LRMDA: variants seen among roughly 807,000 people sequenced by gnomAD.
LRMDA encodes leucine-rich melanocyte differentiation-associated protein.
Under a neutral mutation model 29.8 loss-of-function variants are expected in LRMDA, and 18 were observed. The ratio of observed to expected loss-of-function variants is 0.60; its 90% CI spans 0.42 to 0.90. The LOEUF (loss-of-function observed/expected upper bound fraction) is 0.90. Ranked by LOEUF, LRMDA falls within the 40% of genes least tolerant of loss-of-function variation. LRMDA has a pLI of 0.00. For synonymous variants in LRMDA, 125 were observed against 109.4 expected (o/e 1.14, Z -0.89); for missense variants, 273 against 273.9 (o/e 1.00, Z 0.02).
intron 2 of LRMDA, among the ~76,000 whole-genome samples, chr10:75,598,037 G>C (rs983604812): frequency 1.3e-5 from 2 of 152,172 alleles, no homozygotes; most frequent in Non-Finnish European, 2.9e-5. Flanking sequence ...TGCTGCCCCC[G>C]TAGAGCCGGC....
intron 5 of LRMDA, among the ~76,000 whole-genome samples, chr10:76,311,280 G>A (rs974215120): frequency 1.3e-5 from 2 of 152,146 alleles, no homozygotes; most frequent in Non-Finnish European, 2.9e-5. Flanking sequence ...GATAGAAACT[G>A]ACATAAAACA....
intron 5 of LRMDA, among the ~76,000 whole-genome samples, chr10:76,238,164 G>A (rs1184063097): frequency 6.6e-6 from 1 of 152,062 alleles, no homozygotes; most frequent in Non-Finnish European, 1.5e-5. Context: ...TATTCAGAGA[G>A]GCCTAATAAA....
At chr10:76,131,161 G>A (rs761284669) in intron 5 of LRMDA, among the ~76,000 whole-genome samples, 25 of 152,162 alleles carry the variant, frequency 1.6e-4, no homozygotes, top group Non-Finnish European at 3.5e-4. Context: ...CCATCTTGGT[G>A]CTTCCGCCGA....
intron 2 of LRMDA, among the ~76,000 whole-genome samples, chr10:75,697,080 TGTG>T (rs1842243759): frequency 6.6e-6 from 1 of 152,176 alleles, no homozygotes; most frequent in African/African-American, 2.4e-5. Flanking sequence ...ACAGGGTACA[TGTG>T]GTGGCCATGA....
intron 5 of LRMDA, among the ~76,000 whole-genome samples, chr10:76,310,393 T>C (rs1205651967): frequency 6.6e-6 from 1 of 152,164 alleles, no homozygotes; most frequent in Non-Finnish European, 1.5e-5. Context: ...TTAGAATGAT[T>C]GGGAAACAAA....
At chr10:76,007,214 C>T (rs947103861) in intron 2 of LRMDA, among the ~76,000 whole-genome samples, 6 of 151,988 alleles carry the variant, frequency 3.9e-5, no homozygotes, top group African/African-American at 7.3e-5. Context: ...GGCCATTATG[C>T]GTGGTTTTTC....
At chr10:76,549,794 T>A (rs1369270286) in intron 6 of LRMDA, among the ~76,000 whole-genome samples, 4 of 152,204 alleles carry the variant, frequency 2.6e-5, no homozygotes, top group Admixed American at 1.3e-4. Flanking sequence ...GACCAAAGAT[T>A]TATATCTTGT....
chr10:75,731,481 C>G (rs1336907688), intron 2 of LRMDA, among the ~76,000 whole-genome samples: 3 of 152,128 alleles, frequency 2.0e-5, no homozygotes, highest in African/African-American at 4.8e-5. Flanking sequence ...ACTATATGCC[C>G]AGTGCTTAAG....
chr10:75,708,653 G>A (rs1288272160), intron 2 of LRMDA, among the ~76,000 whole-genome samples: 2 of 152,044 alleles, frequency 1.3e-5, no homozygotes, highest in Non-Finnish European at 2.9e-5. Flanking sequence ...GAGATCATTG[G>A]CTCAATTAAA....
intron 2 of LRMDA, among the ~76,000 whole-genome samples, chr10:75,799,051 T>G (rs991969629): frequency 9.2e-5 from 14 of 152,254 alleles, no homozygotes; most frequent in African/African-American, 3.1e-4. Context: ...TTAGATTAAT[T>G]TATTCAGTAG....
chr10:76,360,590 G>A (rs530784611), intron 6 of LRMDA, among the ~76,000 whole-genome samples: 2 of 152,262 alleles, frequency 1.3e-5, no homozygotes, highest in South Asian at 2.1e-4. Flanking sequence ...CTTCCTGAAA[G>A]GTTTATAACA....
intron 5 of LRMDA, among the ~76,000 whole-genome samples, chr10:76,297,700 G>A (rs889627895): frequency 3.3e-5 from 5 of 152,136 alleles, no homozygotes; most frequent in Non-Finnish European, 7.4e-5. Context: ...TGAAACCTTG[G>A]TGACTTCTGA....
At chr10:76,140,000 C>A (rs1476349331) in intron 5 of LRMDA, among the ~76,000 whole-genome samples, 1 of 151,862 alleles carries the variant, frequency 6.6e-6, no homozygotes, top group Non-Finnish European at 1.5e-5. Context: ...ATTTTCTGAC[C>A]CTGTTTGTGT....
Position 75,540,150 on chromosome 10 carries a change from C to T in LRMDA, c.131+101656C>T, listed in dbSNP as rs564444933. Among the ~76,000 whole-genome samples the T allele has an allele frequency of 2.6e-5, 4 of 152,210 alleles. No homozygotes were observed. In the East Asian group the frequency reaches 7.7e-4, roughly 29 times the overall value. On this transcript the variant is annotated intron_variant, in intron 2 of 6. Transcript: ENST00000611255. The stretch of plus-strand genomic sequence containing the variant: ...AGCAGGAGTAAAGGGTTAGGTGCCT[C>T]AGAAGTGGGTGTGGGAGCGTATTTT...
chr10:76,199,363 A>T (rs886890411), intron 5 of LRMDA, among the ~76,000 whole-genome samples: 3 of 152,188 alleles, frequency 2.0e-5, no homozygotes, highest in Non-Finnish European at 4.4e-5. Context: ...TAGGCAACCT[A>T]GAGGAATTCC....
chr10:75,914,428 T>C (rs1297652308), intron 2 of LRMDA, among the ~76,000 whole-genome samples: 2 of 152,258 alleles, frequency 1.3e-5, no homozygotes, highest in African/African-American at 2.4e-5. Context: ...ATTGTAAGGA[T>C]GCACTTACAC....
intron 2 of LRMDA, among the ~76,000 whole-genome samples, chr10:75,653,852 A>G (rs1841632800): frequency 6.6e-6 from 1 of 152,234 alleles, no homozygotes. Context: ...TTTCAAAAAA[A>G]TGTCATCGGC....
At chr10:75,498,564 A>T (rs1845075936) in intron 2 of LRMDA, among the ~76,000 whole-genome samples, 1 of 152,224 alleles carries the variant, frequency 6.6e-6, no homozygotes. Flanking sequence ...GCCCTGTGTC[A>T]CAACATTATC....
chr10:76,205,673 G>A (rs1298826555), intron 5 of LRMDA, among the ~76,000 whole-genome samples: 1 of 152,128 alleles, frequency 6.6e-6, no homozygotes, highest in Admixed American at 6.6e-5. Context: ...TCTTTGTGGG[G>A]GTGCGGGGTG....
Sources: gnomAD v4.1 joint callset for allele counts (sites outside exome capture counted in the v4.1 genomes callset) on GRCh38, gnomAD v4.1.1 for gene constraint, MANE v1.5 for transcripts, NCBI Gene and HGNC (gene_info 2026-07-23, HGNC 2026-07-21) for gene names.